STUM: variants seen among roughly 807,000 people sequenced by gnomAD.
STUM encodes stum, mechanosensory transduction mediator homolog.
In STUM, 8 loss-of-function variants were observed where a neutral mutation model predicts 15.3. That is an observed-to-expected ratio of 0.52 (90% CI 0.31 to 0.94). The LOEUF is 0.94. STUM is among the 40% of genes least tolerant of loss of function. The probability of loss-of-function intolerance (pLI) is 0.05; values close to 1 mark genes in which losing one functional copy is unlikely to be tolerated. For missense variants in STUM, 142 were observed against 204.9 expected (o/e 0.69, Z 1.87); for synonymous variants, 78 against 88.7 (o/e 0.88, Z 0.68).
rs371874543 is a variant in STUM at position 226,549,303 on chromosome 1, G to A, written c.202+197G>A. ...GTGTGCACCCCAGAGGGGAGAGGCTGCGCTGGGGTCTCCGACCCGCAGGCG... is the reference window on the plus strand; with the variant it reads ...GTGTGCACCCCAGAGGGGAGAGGCTACGCTGGGGTCTCCGACCCGCAGGCG... On this transcript the variant is annotated intron_variant, in intron 1 of 3. Transcript: ENST00000366788. The surrounding 1 kb of genome is among the most constrained non-coding windows in gnomAD (Gnocchi z 6.8). Among the ~76,000 whole-genome samples, 42 of 152,296 alleles carry A rather than the reference G, an allele frequency of 2.8e-4. No homozygotes were observed. The East Asian group carries it at 7.2e-3, about 26-fold the overall frequency.
At chr1:226,583,623 G>A (rs1667951240) in intron 1 of STUM, among the ~76,000 whole-genome samples, 1 of 151,900 alleles carries the variant, frequency 6.6e-6, no homozygotes, top group Non-Finnish European at 1.5e-5. Context: ...CTCCTCACAG[G>A]CCTCTTCCTT....
chr1:226,570,842 A>C (rs557004910), intron 1 of STUM, among the ~76,000 whole-genome samples: 1 of 152,340 alleles, frequency 6.6e-6, no homozygotes, highest in South Asian at 2.1e-4. Flanking sequence ...TTCTCAGAAT[A>C]ATGGTTTTTT....
At chr1:226,586,660 C>T (rs1482081626) in intron 1 of STUM, among the ~76,000 whole-genome samples, 1 of 152,190 alleles carries the variant, frequency 6.6e-6, no homozygotes, top group Non-Finnish European at 1.5e-5. Context: ...GCTGCTGCAG[C>T]CTTGGGCAGA....
At chr1:226,575,115 G>A (rs1461117541) in intron 1 of STUM, among the ~76,000 whole-genome samples, 1 of 152,194 alleles carries the variant, frequency 6.6e-6, no homozygotes, top group Non-Finnish European at 1.5e-5. Flanking sequence ...AGAGCCTGAT[G>A]GACCTGCCCA....
chr1:226,580,961 G>A (rs952290826), intron 1 of STUM, among the ~76,000 whole-genome samples: 3 of 152,274 alleles, frequency 2.0e-5, no homozygotes, highest in African/African-American at 4.8e-5. Context: ...TCTCTTCTAC[G>A]AGGTCATTCA....
At chr1:226,554,728 C>T (rs554110182) in intron 1 of STUM, among the ~76,000 whole-genome samples, 1 of 152,346 alleles carries the variant, frequency 6.6e-6, no homozygotes, top group South Asian at 2.1e-4. Context: ...TCATTCCCAG[C>T]AGCACACATC....
intron 1 of STUM, among the ~76,000 whole-genome samples, chr1:226,562,435 C>T (rs1374882454): frequency 4.0e-5 from 6 of 150,612 alleles, no homozygotes; most frequent in Admixed American, 2.0e-4. Context: ...TGCCACTGCA[C>T]GCCCTCTCGA....
At position 226,555,025 on chromosome 1, in the gene STUM, C is replaced by T. The variant is rs577315128; in HGVS notation, c.202+5919C>T. Among the ~76,000 whole-genome samples the T allele has an allele frequency of 9.2e-5, 14 of 152,268 alleles. No individual in the cohort carries two copies. The East Asian group carries it at 1.5e-3, about 17-fold the overall frequency. ...CTCTTCCTGGACCTATCAGCAGCAC[C>T]GGCCATAGGGGCTCACTCCCTCCTC... On this transcript the variant is annotated intron_variant, in intron 1 of 3. Transcript: ENST00000366788.
At chr1:226,582,545 AG>A (rs1316625225) in intron 1 of STUM, among the ~76,000 whole-genome samples, 6 of 151,412 alleles carry the variant, frequency 4.0e-5, no homozygotes, top group Non-Finnish European at 8.8e-5. Flanking sequence ...CAGTGAGCCG[AG>A]GTCACACCAT....
At chr1:226,575,353 C>T (rs1030634374) in intron 1 of STUM, among the ~76,000 whole-genome samples, 1 of 152,276 alleles carries the variant, frequency 6.6e-6, no homozygotes, top group Admixed American at 6.5e-5. Context: ...CGAAAGTTGA[C>T]AGTCAGCTCC....
intron 1 of STUM, among the ~76,000 whole-genome samples, chr1:226,593,279 A>G (rs188215996): frequency 3.4e-3 from 519 of 151,902 alleles, no homozygotes; most frequent in Non-Finnish European, 5.5e-3. Flanking sequence ...ACTCTCTGTG[A>G]GAGCTCCGTT....
chr1:226,602,053 C>G lies in STUM; in HGVS notation c.*13C>G, dbSNP rs758304626. 2 of 1,604,342 alleles carry G rather than the reference C, an allele frequency of 1.2e-6. No homozygotes were observed. Among genetic ancestry groups the G allele is most frequent in the East Asian group, 4.5e-5 (2 of 44,868 alleles). ...ACAGCAGCTGTGAGCCCACGGGAGC[C>G]GCTGGGGAGATCCAGGGGGGCCCTG... On this transcript the variant is annotated 3_prime_UTR_variant, in exon 4 of 4. Transcript: ENST00000366788.
chr1:226,576,548 G>C (rs925448978), intron 1 of STUM, among the ~76,000 whole-genome samples: 4 of 152,048 alleles, frequency 2.6e-5, no homozygotes, highest in Non-Finnish European at 5.9e-5. Flanking sequence ...CACCCAAAAG[G>C]CATTTTTTTT....
intron 1 of STUM, among the ~76,000 whole-genome samples, chr1:226,566,191 G>A (rs1667622774): frequency 6.6e-6 from 1 of 152,142 alleles, no homozygotes; most frequent in African/African-American, 2.4e-5. Context: ...AGCCCCCAAT[G>A]ATTTCTTGTT....
At chr1:226,569,760 C>T (rs553302182) in intron 1 of STUM, among the ~76,000 whole-genome samples, 7 of 152,252 alleles carry the variant, frequency 4.6e-5, no homozygotes, top group African/African-American at 1.7e-4. Context: ...GTGGCTACTC[C>T]CAGCTGTGGC....
rs774473845 is a variant in STUM, at chr1:226,596,815, G to A, written c.216G>A (p.Ser72=). 3.1e-6 allele frequency: 5 copies of A among 1,611,664 alleles called. No individual in the cohort carries two copies. The highest frequency in any genetic ancestry group is 2.7e-5 in the African/African-American group (2 of 74,882). Residue 72 remains serine (S), a synonymous_variant, in exon 2 of 4, where the codon TCG becomes TCA. Transcript: ENST00000366788. ...GGCCTCTCACAGGGACATTCGTCTC[G>A]GCCTTCACTGTGCTGTGCGGGGCCC... ...TFVPGLGTFV[S]AFTVLCGART... is the part of the protein sequence containing the mutation.
chr1:226,597,070 C>T (rs1668193650), intron 2 of STUM, 89 bp downstream of exon 2: 1 of 1,249,476 alleles, frequency 8.0e-7, no homozygotes, highest in South Asian at 1.2e-5. Flanking sequence ...TGGCCGAGGT[C>T]CTGCTCACCC....
chr1:226,554,465 G>A (rs935053731), intron 1 of STUM, among the ~76,000 whole-genome samples: 1 of 152,206 alleles, frequency 6.6e-6, no homozygotes, highest in Non-Finnish European at 1.5e-5. Context: ...GTGACCAATA[G>A]ATGAACTGAA....
At chr1:226,551,896 C>T (rs1667381318) in intron 1 of STUM, among the ~76,000 whole-genome samples, 1 of 152,122 alleles carries the variant, frequency 6.6e-6, no homozygotes, top group African/African-American at 2.4e-5. Context: ...TTAGAACTTG[C>T]TGAGAAAATC....
Sources: gnomAD v4.1 joint callset for allele counts (sites outside exome capture counted in the v4.1 genomes callset) on GRCh38, gnomAD v4.1.1 for gene constraint, Gnocchi (gnomAD v3.1) non-coding constraint, MANE v1.5 for transcripts, NCBI Gene and HGNC (gene_info 2026-07-23, HGNC 2026-07-21) for gene names.